The following PDILT variants were observed in gnomAD, a reference collection of about 807,000 sequenced individuals.
The protein encoded by PDILT is protein disulfide-isomerase-like protein of the testis.
A neutral mutation model predicts 53.7 loss-of-function variants in PDILT; 43 were observed. The observed-to-expected ratio is 0.80, with a 90% confidence interval of 0.63 to 1.03. The LOEUF is 1.03. Among genes scored for constraint, PDILT ranks in the 50% least tolerant of loss-of-function variants. PDILT has a pLI of 0.00. For synonymous variants in PDILT, 282 were observed against 274.2 expected, an observed-to-expected ratio of 1.03 and a Z score of -0.28; for missense variants, 727 against 712.3, an observed-to-expected ratio of 1.02 and a Z score of -0.24.
At position 20,399,241 on chromosome 16, in the gene PDILT, G is replaced by T. The variant is rs1419321015; in HGVS notation, c.60C>A (p.Ser20Arg). The change falls in exon 2 of 12, where the codon AGC (serine) becomes AGA (arginine). Residue 20 changes from serine (S) to arginine (R), a missense_variant. Coordinates refer to ENST00000302451, the MANE Select transcript of PDILT (RefSeq NM_174924.2). ...AAACACCGGCGTTAACCTCTGGTGAGCTGTGGACAGCAGAGACACAAGCGG... is the reference window on the plus strand; with the variant it reads ...AAACACCGGCGTTAACCTCTGGTGATCTGTGGACAGCAGAGACACAAGCGG... ...LVAACVSAVH[S>R]SPEVNAGVSS... The T allele has an allele frequency of 1.9e-6, 3 of 1,614,114 alleles. No homozygotes were observed. The highest frequency in any genetic ancestry group is 2.5e-6 in the Non-Finnish European group (3 of 1,179,954).
At chr16:20,403,523 C>G (rs572533172) in intron 1 of PDILT, among the ~76,000 whole-genome samples, 1 of 152,278 alleles carries the variant, frequency 6.6e-6, no homozygotes, top group South Asian at 2.1e-4. Context: ...CTCCTGACCT[C>G]AGGTGATCCA....
intron 2 of PDILT, among the ~76,000 whole-genome samples, chr16:20,394,013 A>G (rs892460363): frequency 1.3e-5 from 2 of 152,158 alleles, no homozygotes; most frequent in African/African-American, 2.4e-5. Flanking sequence ...CTTAGTTTCA[A>G]TGTTATGGGA....
chr16:20,400,072 A>T (rs58344283), intron 1 of PDILT, among the ~76,000 whole-genome samples: 75,440 of 134,752 alleles, frequency 0.56, 21,904 homozygotes, highest in Middle Eastern at 0.64. Context: ...ATATATATAT[A>T]TTTTTTGAGA....
In PDILT at chr16:20,376,170, C is replaced by T; in HGVS notation, c.441G>A (p.Trp147Ter). Residue 147 changes from tryptophan (W) to a stop codon, truncating the protein, a stop_gained, in exon 4 of 12, where the codon TGG becomes TGA. Coordinates refer to ENST00000302451, the MANE Select transcript of PDILT (RefSeq NM_174924.2). LOFTEE classifies it high-confidence loss of function. ...GVVESAALVV[W>*]LRRQISQKAF... The stretch of plus-strand genomic sequence containing the variant: ...CTTTCTGGCTAATTTGTCGTCTCAA[C>T]CAAACGACTAAGGCAGCAGATTCAA... 6.2e-7 allele frequency: 1 copy of T among 1,614,162 alleles called. No homozygotes were observed. Among genetic ancestry groups the T allele is most frequent in the East Asian group, 2.2e-5 (1 of 44,882 alleles).
chr16:20,374,840 G>T lies in PDILT; in HGVS notation c.663C>A (p.Ser221Arg), dbSNP rs78751740. 1 of 1,613,474 alleles carries T rather than the reference G, an allele frequency of 6.2e-7. No homozygotes were observed. Among genetic ancestry groups the T allele is most frequent in the East Asian group, 2.2e-5 (1 of 44,860 alleles). ...ATCCTACCTTTTTGAACACCAGGAC[G>T]CTGTCAAGGGTGACGTGGAAACGCC... ...VIGRFHVTLD[S>R]VLVFKKGKIV... The change falls in exon 5 of 12, where the codon AGC becomes AGA. Residue 221 changes from serine to arginine, a missense_variant. Transcript: ENST00000302451.
intron 5 of PDILT, 47 bp from the exon 6 acceptor site, chr16:20,373,169 A>G (rs769222272): frequency 1.4e-6 from 2 of 1,437,016 alleles, no homozygotes; most frequent in South Asian, 2.3e-5. Flanking sequence ...CTTTCATGAT[A>G]TAGCCACTTA....
intron 2 of PDILT, among the ~76,000 whole-genome samples, chr16:20,391,732 G>A (rs12102292): frequency 1.4e-3 from 218 of 152,162 alleles, no homozygotes; most frequent in African/African-American, 5.2e-3. Flanking sequence ...ACGATGAAAA[G>A]CAGTTTTGAT....
At chr16:20,370,939 G>C (rs561806913) in intron 7 of PDILT, among the ~76,000 whole-genome samples, 1 of 152,316 alleles carries the variant, frequency 6.6e-6, no homozygotes, top group Non-Finnish European at 1.5e-5. Context: ...TCCACTCCTT[G>C]TTTAGCATAT....
chr16:20,403,470 A>G (rs1278254403), intron 1 of PDILT, among the ~76,000 whole-genome samples: 1 of 151,986 alleles, frequency 6.6e-6, no homozygotes, highest in East Asian at 1.9e-4. Context: ...TTGTATTTTT[A>G]GTAGAAACGG....
intron 2 of PDILT, among the ~76,000 whole-genome samples, chr16:20,395,163 C>A (rs982073703): frequency 1.3e-5 from 2 of 152,176 alleles, no homozygotes; most frequent in Admixed American, 6.5e-5. Context: ...GATCTTATGG[C>A]AAATACTGAG....
intron 9 of PDILT, 69 bp from the exon 10 acceptor site, chr16:20,362,651 A>G (rs1966123463): frequency 2.7e-6 from 4 of 1,490,254 alleles, no homozygotes; most frequent in Admixed American, 1.8e-5. Context: ...CACCCTACAC[A>G]TGGCATCGCT....
chr16:20,360,803 C>A (rs925595671), intron 10 of PDILT, 146 bp from the exon 11 acceptor site: 4 of 632,578 alleles, frequency 6.3e-6, no homozygotes, highest in Non-Finnish European at 8.5e-6. Context: ...GCCTCCAGTG[C>A]CATGGTTCCA....
intron 11 of PDILT, 140 bp downstream of exon 11, chr16:20,360,428 C>T (rs1464128985): frequency 6.2e-6 from 5 of 808,976 alleles, no homozygotes; most frequent in Non-Finnish European, 1.0e-5. Context: ...AGTAGAGTCA[C>T]CCAACCTGGA....
intron 2 of PDILT, among the ~76,000 whole-genome samples, chr16:20,395,205 C>T (rs1301938133): frequency 6.6e-6 from 1 of 152,120 alleles, no homozygotes; most frequent in Admixed American, 6.5e-5. Context: ...TTTTGTTTTG[C>T]TTTCTCAACT....
In PDILT at chr16:20,362,722, A is replaced by T. The variant is rs1966124675; in HGVS notation, c.1238-140T>A. 7 of 662,220 alleles carry T rather than the reference A, an allele frequency of 1.1e-5. No individual in the cohort carries two copies. In the South Asian group the frequency reaches 1.5e-4, roughly 14 times the overall value. 41.0% of individuals were successfully genotyped at this position (662,220 alleles called of 1,614,324 possible). A position where few individuals can be genotyped will look rare whatever the true frequency, so the allele number is the denominator to read the frequency against. On this transcript the variant is annotated intron_variant, in intron 9 of 11. Transcript: ENST00000302451. ...CACTCCCTCCTTCTTTTAATCATAT[A>T]TTAGATTATTTTTACATTTCAGCAA... is the stretch of plus-strand genomic sequence containing the variant.
At chr16:20,369,454 T>G in intron 8 of PDILT, 38 bp downstream of exon 8, 2 of 1,573,382 alleles carry the variant, frequency 1.3e-6, no homozygotes, top group Non-Finnish European at 8.7e-7. Context: ...GAGATGATTT[T>G]GAGGTTCTGG....
chr16:20,397,204 C>A (rs1202097272), intron 2 of PDILT, among the ~76,000 whole-genome samples: 1 of 152,116 alleles, frequency 6.6e-6, no homozygotes, highest in Non-Finnish European at 1.5e-5. Flanking sequence ...GGCATGATCA[C>A]GGGTCGCTGC....
intron 3 of PDILT, among the ~76,000 whole-genome samples, chr16:20,378,718 C>A (rs1966420291): frequency 6.6e-6 from 1 of 152,146 alleles, no homozygotes; most frequent in Non-Finnish European, 1.5e-5. Context: ...GTTTTCTGTT[C>A]CTGTGTTAGT....
At chr16:20,392,676 C>T (rs2141618115) in intron 2 of PDILT, among the ~76,000 whole-genome samples, 1 of 152,216 alleles carries the variant, frequency 6.6e-6, no homozygotes, top group Non-Finnish European at 1.5e-5. Flanking sequence ...TTGAGTGTCC[C>T]TTTTAGATAA....
Sources: allele counts gnomAD v4.1 joint callset (sites outside exome capture counted in the v4.1 genomes callset), GRCh38; gene constraint gnomAD v4.1.1; transcripts MANE v1.5; gene names NCBI Gene and HGNC (gene_info 2026-07-23, HGNC 2026-07-21).